The following A3GALT2 variants were observed in gnomAD, a reference collection of about 807,000 sequenced individuals.
The protein encoded by A3GALT2 is alpha 1,3-galactosyltransferase 2.
A3GALT2 carries 14 observed loss-of-function variants against 16.6 expected under a neutral mutation model. The observed-to-expected ratio is 0.84, with a 90% confidence interval of 0.56 to 1.32. The LOEUF (loss-of-function observed/expected upper bound fraction) is 1.32, where lower values mean the gene tolerates loss of function less well. A3GALT2 is among the 40% of genes most tolerant of loss of function. A3GALT2 has a pLI of 0.00. For missense variants in A3GALT2, 600 were observed against 490.9 expected, an observed-to-expected ratio of 1.22 and a Z score of -2.10; for synonymous variants, 253 against 218.0, an observed-to-expected ratio of 1.16 and a Z score of -1.42.
intron 4 of A3GALT2, among the ~76,000 whole-genome samples, chr1:33,311,606 G>A (rs957902082): frequency 3.3e-5 from 5 of 152,032 alleles, no homozygotes; most frequent in African/African-American, 1.2e-4. Context: ...GACTTGCTTG[G>A]CACCTGCCCC....
In A3GALT2 at chr1:33,311,665, G is replaced by A. The variant is rs537979379; in HGVS notation, c.335+387C>T. Among the ~76,000 whole-genome samples, 22 of 152,170 alleles carry A rather than the reference G, an allele frequency of 1.4e-4. 1 individual carries two copies. The East Asian group carries it at 4.1e-3, about 28-fold the overall frequency. On this transcript the variant is annotated intron_variant, in intron 4 of 4. Transcript: ENST00000442999. ...GAGCTGCTGACCTCCAATGGGCACC[G>A]AATGCAGTGAATCATCCCTCTACTT... is the stretch of plus-strand genomic sequence containing the variant.
intron 4 of A3GALT2, among the ~76,000 whole-genome samples, chr1:33,309,752 C>G (rs939129441): frequency 1.3e-5 from 2 of 150,408 alleles, no homozygotes; most frequent in Non-Finnish European, 3.0e-5. Context: ...GATGGGCGGC[C>G]GGGCAGAGAC....
At position 33,312,172 on chromosome 1, in the gene A3GALT2, A is replaced by G. The variant is rs1247077312; in HGVS notation, c.215T>C (p.Leu72Pro). ...GGGAGCCCCCCAGGGGGTACAGGTC[A>G]GAACTTCAGGCCGGGCCCTGGCCAG... ...ALRPWARPEV[L>P]TCTPWGAPII... Residue 72 changes from leucine to proline, a missense_variant, in exon 4 of 5, where the codon CTG (leucine) becomes CCG (proline). By Grantham distance (98) the Leu-to-Pro change is moderately conservative. Transcript: ENST00000442999. 2 of 1,613,298 alleles carry G rather than the reference A, an allele frequency of 1.2e-6. No homozygotes were observed. The highest frequency in any genetic ancestry group is 1.7e-6 in the Non-Finnish European group (2 of 1,179,806).
Position 33,307,130 on chromosome 1 carries a change from A to T in A3GALT2, c.659T>A (p.Leu220Gln). Residue 220 changes from leucine to glutamine, a missense_variant, in exon 5 of 5, where the codon CTG (leucine) becomes CAG (glutamine). Physicochemically the swap from Leu to Gln is moderately radical, Grantham distance 113. Coordinates refer to ENST00000442999, the MANE Select transcript of A3GALT2 (RefSeq NM_001080438.1). ...CGGCCAGTGGTAGTGCCAGGAGTGC[A>T]GCTGCGCCACCGACTCGGCCAGCGC... ...PEALAESVAQ[L>Q]HSWHYHWPSW... The T allele has an allele frequency of 6.5e-7, 1 of 1,540,786 alleles. No homozygotes were observed.
intron 4 of A3GALT2, among the ~76,000 whole-genome samples, chr1:33,311,176 G>T (rs760518216): frequency 2.0e-5 from 3 of 152,180 alleles, no homozygotes; most frequent in Non-Finnish European, 4.4e-5. Context: ...GCCACTGTCA[G>T]CCAAGAGTCC....
chr1:33,312,126 G>T lies in A3GALT2; in HGVS notation c.261C>A (p.Phe87Leu). 1 of 1,613,630 alleles carries T rather than the reference G, an allele frequency of 6.2e-7. No individual in the cohort carries two copies. The highest frequency in any genetic ancestry group is 8.5e-7 in the Non-Finnish European group (1 of 1,179,808). Residue 87 changes from phenylalanine (F) to leucine (L), a missense_variant, in exon 4 of 5, where the codon TTC (phenylalanine) becomes TTA (leucine). Transcript: ENST00000442999. ...CCTCTTGCTTGGCCACATCTGGGTC[G>T]AAAGAGCCATCCCAAATAATGGGAG... Reference protein sequence around the residue: ...WGAPIIWDGSFDPDVAKQEAR... With the variant: ...WGAPIIWDGSLDPDVAKQEAR...
rs1302901050 is a variant in A3GALT2, at chr1:33,308,947, G to A, written c.336-1494C>T. Among the ~76,000 whole-genome samples, 5 of 151,604 alleles carry A rather than the reference G, an allele frequency of 3.3e-5. 1 individual carries two copies. Among genetic ancestry groups the A allele is most frequent in the African/African-American group, 1.2e-4 (5 of 41,144 alleles). The stretch of plus-strand genomic sequence containing the variant: ...GCACTGTTTGTGTCCCTGGGTACTT[G>A]AGATTAGGGAGCGGTGATGACTCTT... On this transcript the variant is annotated intron_variant, in intron 4 of 4. Coordinates refer to ENST00000442999, the MANE Select transcript of A3GALT2 (RefSeq NM_001080438.1).
intron 1 of A3GALT2, among the ~76,000 whole-genome samples, chr1:33,316,899 G>A (rs1480219090): frequency 1.2e-4 from 19 of 152,150 alleles, no homozygotes; most frequent in Admixed American, 1.2e-3. Context: ...GGAGACTGAG[G>A]AGGTAGAGGA....
chr1:33,308,881 G>A (rs1262661405), intron 4 of A3GALT2, among the ~76,000 whole-genome samples: 1 of 150,296 alleles, frequency 6.7e-6, no homozygotes, highest in South Asian at 2.1e-4. Context: ...ATGTGAACAA[G>A]GGTCTCTGGT....
Position 33,306,868 on chromosome 1 carries a change from C to T in A3GALT2, c.921G>A (p.Leu307=), listed in dbSNP as rs925236012. ...CCGGGCTCCAGCAGAACTCGGGCGA[C>T]AGCACCTTGGCGGGCTTGTGCAGCC... is the stretch of plus-strand genomic sequence containing the variant. The part of the protein sequence containing the change: ...FFWLHKPAKV[L]SPEFCWSPDI... The change falls in exon 5 of 5, where the codon CTG becomes CTA. Residue 307 remains leucine, a synonymous_variant. Coordinates refer to ENST00000442999, the MANE Select transcript of A3GALT2 (RefSeq NM_001080438.1). 2.0e-6 allele frequency: 3 copies of T among 1,517,716 alleles called. No individual in the cohort carries two copies. The highest frequency in any genetic ancestry group is 8.8e-7 in the Non-Finnish European group (1 of 1,138,524). The allele number at this position is 1,517,716 out of a possible 1,614,324, so 94.0% of individuals were successfully genotyped here.
At chr1:33,314,837 G>C (rs538194558) in intron 1 of A3GALT2, 2 of 152,178 alleles carry the variant, frequency 1.3e-5, no homozygotes, top group Non-Finnish European at 2.9e-5. Context: ...AATCCTCAAA[G>C]AAGAAGTGCA....
At chr1:33,309,744 TGGGCGGCC>T in intron 4 of A3GALT2, among the ~76,000 whole-genome samples, 2 of 120,898 alleles carry the variant, frequency 1.7e-5, no homozygotes, top group East Asian at 2.5e-4. Flanking sequence ...TCTCAGACGA[TGGGCGGCC>T]GGGCAGAGAC....
At position 33,312,190 on chromosome 1, in the gene A3GALT2, C is replaced by T. The variant is rs776802117; in HGVS notation, c.198-1G>A. On this transcript the variant is annotated splice_acceptor_variant, in intron 3 of 4. Coordinates refer to ENST00000442999, the MANE Select transcript of A3GALT2 (RefSeq NM_001080438.1). LOFTEE classifies it high-confidence loss of function. Reference sequence around the variant, plus strand: ...ACAGGTCAGAACTTCAGGCCGGGCCCTGGCCAGGGCAGGGATGGGAAATGG... The same window carrying T: ...ACAGGTCAGAACTTCAGGCCGGGCCTTGGCCAGGGCAGGGATGGGAAATGG... 1.9e-6 allele frequency: 3 copies of T among 1,613,124 alleles called. No individual in the cohort carries two copies. Among genetic ancestry groups the T allele is most frequent in the South Asian group, 2.2e-5 (2 of 91,028 alleles).
chr1:33,309,163 C>G (rs568685959), intron 4 of A3GALT2, among the ~76,000 whole-genome samples: 1 of 152,314 alleles, frequency 6.6e-6, no homozygotes, highest in Non-Finnish European at 1.5e-5. Flanking sequence ...CCTATGTCTA[C>G]TTCTTTCTAC....
intron 4 of A3GALT2, among the ~76,000 whole-genome samples, chr1:33,308,727 TATTTTTTTGTC>T (rs1232103443): frequency 1.3e-5 from 2 of 149,320 alleles, no homozygotes; most frequent in African/African-American, 5.0e-5. Context: ...TTATTATTAT[TATTTTTTTGTC>T]ATGTCAAAGT....
intron 1 of A3GALT2, among the ~76,000 whole-genome samples, chr1:33,318,258 G>A (rs1000379407): frequency 2.0e-5 from 3 of 152,168 alleles, no homozygotes; most frequent in Non-Finnish European, 2.9e-5. Context: ...CAGTGAAACA[G>A]GTATAAATTC....
intron 4 of A3GALT2, among the ~76,000 whole-genome samples, chr1:33,310,626 G>A (rs1646229089): frequency 6.6e-6 from 1 of 152,214 alleles, no homozygotes; most frequent in Non-Finnish European, 1.5e-5. Flanking sequence ...AAGTGGTTGA[G>A]CCAGGATTTG....
chr1:33,308,109 C>T (rs1041403252), intron 4 of A3GALT2, among the ~76,000 whole-genome samples: 1 of 114,982 alleles, frequency 8.7e-6, no homozygotes, highest in Non-Finnish European at 1.7e-5. Context: ...AACTCCGGAC[C>T]CTCTAGCCCT....
Position 33,307,187 on chromosome 1 carries a change from T to C in A3GALT2, c.602A>G (p.Asp201Gly), listed in dbSNP as rs1285593165. ...EAHFMFCMDVDQHFSGTFGPE... is the reference protein window; with the variant it reads ...EAHFMFCMDVGQHFSGTFGPE... Reference sequence around the variant, plus strand: ...CCCAAAAGTGCCGCTGAAGTGCTGGTCCACGTCCATGCAGAACATGAAGTG... The same window carrying C: ...CCCAAAAGTGCCGCTGAAGTGCTGGCCCACGTCCATGCAGAACATGAAGTG... Residue 201 changes from aspartate to glycine, a missense_variant, in exon 5 of 5, where the codon GAC becomes GGC. Physicochemically the swap from Asp to Gly is moderately conservative, Grantham distance 94. Coordinates refer to ENST00000442999, the MANE Select transcript of A3GALT2 (RefSeq NM_001080438.1). 5 of 1,547,064 alleles carry C rather than the reference T, an allele frequency of 3.2e-6. No individual in the cohort carries two copies. The Admixed American group carries it at 5.8e-5, about 18-fold the overall frequency.
Sources: gnomAD v4.1 joint callset for allele counts (sites outside exome capture counted in the v4.1 genomes callset) on GRCh38, gnomAD v4.1.1 for gene constraint, MANE v1.5 for transcripts, NCBI Gene and HGNC (gene_info 2026-07-23, HGNC 2026-07-21) for gene names.